Variants in AFF2 observed in about 807,000 individuals in gnomAD.
AFF2 encodes ALF transcription elongation factor 2.
In AFF2, 14 loss-of-function variants were observed where a neutral mutation model predicts 76.9. That is an observed-to-expected ratio of 0.18 (90% CI 0.12 to 0.28). The LOEUF is 0.28. Ranked by LOEUF, AFF2 falls within the 10% of genes least tolerant of loss-of-function variation. AFF2 has a pLI of 1.00. For synonymous variants in AFF2, 398 were observed against 366.7 expected, an observed-to-expected ratio of 1.09 and a Z score of -0.98; for missense variants, 868 against 1,001.1, an observed-to-expected ratio of 0.87 and a Z score of 1.79.
chrX:148,946,494 A>G (rs2071902192), intron 9 of AFF2, among the ~76,000 whole-genome samples: 1 of 112,931 alleles, frequency 8.9e-6, no homozygotes, highest in Non-Finnish European at 1.9e-5. Flanking sequence ...AAAACAACAC[A>G]CATTTGTTAT....
intron 7 of AFF2, among the ~76,000 whole-genome samples, chrX:148,847,353 G>C (rs781883412): frequency 8.9e-6 from 1 of 111,833 alleles, no homozygotes; most frequent in Non-Finnish European, 1.9e-5. Context: ...TGTGAGGACT[G>C]TTGAGGAGAT....
intron 3 of AFF2, among the ~76,000 whole-genome samples, chrX:148,707,997 A>G (rs1439669155): frequency 8.9e-6 from 1 of 112,122 alleles, no homozygotes; most frequent in African/African-American, 3.2e-5. Context: ...TGAAATAAAA[A>G]GAACAAAGCA....
At chrX:148,647,245 T>G (rs782441026) in intron 1 of AFF2, among the ~76,000 whole-genome samples, 60 of 112,648 alleles carry the variant, frequency 5.3e-4, no homozygotes, top group African/African-American at 1.9e-3. Flanking sequence ...GTAGTTGGAC[T>G]GGAAAACAAG....
intron 1 of AFF2, among the ~76,000 whole-genome samples, chrX:148,620,841 G>T (rs1286968299): frequency 6.3e-5 from 7 of 111,720 alleles, no homozygotes; most frequent in African/African-American, 2.3e-4. Flanking sequence ...TTTTATCAGA[G>T]CTGCCAACTC....
chrX:148,557,092 A>G, intron 1 of AFF2, among the ~76,000 whole-genome samples: 1 of 112,068 alleles, frequency 8.9e-6, no homozygotes, highest in Non-Finnish European at 1.9e-5. Context: ...ATTTTCATGC[A>G]TGGTTCATAA....
chrX:148,795,654 T>A (rs981738152), intron 3 of AFF2, among the ~76,000 whole-genome samples: 52 of 100,223 alleles, frequency 5.2e-4, no homozygotes, highest in African/African-American at 1.6e-3. Flanking sequence ...TACAAAAAAA[T>A]TAGCCAGGTG....
chrX:148,525,063 A>C (rs1569550746), intron 1 of AFF2, among the ~76,000 whole-genome samples: 2 of 112,470 alleles, frequency 1.8e-5, no homozygotes, highest in East Asian at 5.5e-4. Context: ...TCAGAATTCT[A>C]TTAGGAAAAA....
rs1569551584 is a variant in AFF2, at chrX:148,581,048, C to CACATATGTGTATATATACACACATATAT, written c.48-70937_48-70936insATACACACATATATACATATGTGTATAT. The stretch of plus-strand genomic sequence containing the variant: ...ATGTGTATATATACACACATATATA[C>CACATATGTGTATATATACACACATATAT]ACATATGTGTATATGTATATATACA... On this transcript the variant is annotated intron_variant, in intron 1 of 20. Coordinates refer to ENST00000370460, the MANE Select transcript of AFF2 (RefSeq NM_002025.4). 8.7e-5 allele frequency among the ~76,000 whole-genome samples: 8 copies of CACATATGTGTATATATACACACATATAT among 91,608 alleles called. 1 individual carries two copies. Among genetic ancestry groups the CACATATGTGTATATATACACACATATAT allele is most frequent in the African/African-American group, 3.2e-4 (8 of 25,379 alleles). The allele number at this position is 91,608 out of a possible 115,157, so 79.6% of individuals were successfully genotyped here. A position where few individuals can be genotyped will look rare whatever the true frequency, so the allele number is the denominator to read the frequency against.
intron 3 of AFF2, among the ~76,000 whole-genome samples, chrX:148,703,020 T>C (rs782548160): frequency 8.9e-6 from 1 of 112,033 alleles, no homozygotes; most frequent in East Asian, 2.8e-4. Context: ...TAATAGAGTA[T>C]TTGATTCAGT....
In AFF2 at chrX:148,701,012, ATGTGTGTGTGTGTGTGTGTGTG is replaced by A. The variant is rs10675200; in HGVS notation, c.1041+38264_1041+38285del. Reference sequence around the variant, plus strand: ...AGAGAGAGAGAGAGAGAGAGAGAGAATGTGTGTGTGTGTGTGTGTGTGTGTGTGTGTGTGTGTGTGTTTTGTG... The same window carrying A: ...AGAGAGAGAGAGAGAGAGAGAGAGAATGTGTGTGTGTGTGTGTGTTTTGTG... On this transcript the variant is annotated intron_variant, in intron 3 of 20. Coordinates refer to ENST00000370460, the MANE Select transcript of AFF2 (RefSeq NM_002025.4). Among the ~76,000 whole-genome samples the A allele has an allele frequency of 4.1e-5, 3 of 73,738 alleles. No homozygotes were observed. The South Asian group carries it at 2.4e-3, about 58-fold the overall frequency. 64.0% of individuals were successfully genotyped at this position (73,738 alleles called of 115,157 possible).
intron 3 of AFF2, among the ~76,000 whole-genome samples, chrX:148,794,386 A>G (rs1471976100): frequency 8.9e-6 from 1 of 111,751 alleles, no homozygotes; most frequent in Non-Finnish European, 1.9e-5. Context: ...TTACCAGTGA[A>G]CCCATAGGAA....
At chrX:148,870,456 C>G (rs1278600063) in intron 7 of AFF2, among the ~76,000 whole-genome samples, 1 of 112,310 alleles carries the variant, frequency 8.9e-6, no homozygotes. Context: ...CATCTTTGAC[C>G]AAGCCTGGCT....
chrX:148,701,012 A>ATGTGTGTGTGTG (rs10675200), intron 3 of AFF2, among the ~76,000 whole-genome samples: 126 of 73,732 alleles, frequency 1.7e-3, no homozygotes, highest in South Asian at 4.0e-3. Flanking sequence ...GAGAGAGAGA[A>ATGTGTGTGTGTG]TGTGTGTGTG....
chrX:148,784,665 A>AT, intron 3 of AFF2, among the ~76,000 whole-genome samples: 1 of 112,084 alleles, frequency 8.9e-6, no homozygotes. Context: ...AATGGGCCTC[A>AT]TCCAAGCCTC....
chrX:148,937,626 G>A (rs1438364233), intron 9 of AFF2, among the ~76,000 whole-genome samples: 3 of 111,763 alleles, frequency 2.7e-5, no homozygotes, highest in Non-Finnish European at 5.6e-5. Flanking sequence ...ACAAACAAGC[G>A]CAGAATCAGG....
chrX:148,762,010 G>GAT (rs1225313221), intron 3 of AFF2, among the ~76,000 whole-genome samples: 14 of 100,653 alleles, frequency 1.4e-4, no homozygotes, highest in Admixed American at 2.1e-4. Flanking sequence ...TATAGATATA[G>GAT]ATAGATATAT....
At chrX:148,507,949 T>C (rs1037010954) in intron 1 of AFF2, among the ~76,000 whole-genome samples, 4 of 112,377 alleles carry the variant, frequency 3.6e-5, no homozygotes, top group African/African-American at 1.3e-4. Context: ...CAAACATACC[T>C]GTGTATTTTG....
At chrX:148,895,056 C>A (rs1257359713) in intron 8 of AFF2, among the ~76,000 whole-genome samples, 1 of 111,155 alleles carries the variant, frequency 9.0e-6, no homozygotes, top group African/African-American at 3.3e-5. Flanking sequence ...CAAGTTCTGG[C>A]CAGGAGATTT....
intron 1 of AFF2, among the ~76,000 whole-genome samples, chrX:148,593,820 T>A (rs1212756501): frequency 9.0e-6 from 1 of 111,712 alleles, no homozygotes; most frequent in African/African-American, 3.3e-5. Flanking sequence ...ATCTCCATTT[T>A]ACAGATTTAG....
Sources: allele counts gnomAD v4.1 joint callset (sites outside exome capture counted in the v4.1 genomes callset), GRCh38; gene constraint gnomAD v4.1.1; transcripts MANE v1.5; gene names NCBI Gene and HGNC (gene_info 2026-07-23, HGNC 2026-07-21).